Variants in NBAS observed in about 807,000 individuals in gnomAD.
NBAS encodes NAG/BC035112 fusion.
A neutral mutation model predicts 302.5 loss-of-function variants in NBAS; 219 were observed. That is an observed-to-expected ratio of 0.72 (90% confidence interval 0.65 to 0.81). The LOEUF is 0.81. Among genes scored for constraint, NBAS ranks in the 30% least tolerant of loss-of-function variants. The pLI is 0.00. For missense variants in NBAS, 2,932 were observed against 2,841.6 expected, an observed-to-expected ratio of 1.03 and a Z score of -0.72; for synonymous variants, 1,118 against 1,021.6, an observed-to-expected ratio of 1.09 and a Z score of -1.80.
chr2:14,908,431 G>A, the NBAS span, among the ~76,000 whole-genome samples: 2 of 152,168 alleles, frequency 1.3e-5, no homozygotes, highest in East Asian at 1.9e-4. Context: ...AAAAGCATCC[G>A]AGCTTCTGAG....
chr2:15,263,686 C>A (rs1269758267), intron 44 of NBAS, among the ~76,000 whole-genome samples: 1 of 95,814 alleles, frequency 1.0e-5, no homozygotes, highest in Non-Finnish European at 1.8e-5. Context: ...ATGACAAATA[C>A]CCTCATCAGT....
intron 47 of NBAS, among the ~76,000 whole-genome samples, chr2:15,223,468 T>C (rs546732370): frequency 6.6e-6 from 1 of 152,236 alleles, no homozygotes; most frequent in East Asian, 1.9e-4. Context: ...TCATCTTTTA[T>C]GAAAGCAAGG....
chr2:15,212,952 T>G (rs1014242255), intron 48 of NBAS, among the ~76,000 whole-genome samples: 4 of 152,198 alleles, frequency 2.6e-5, no homozygotes, highest in Non-Finnish European at 2.9e-5. Context: ...ATCTAAACCT[T>G]TAGGGTATCT....
At chr2:15,271,983 G>C (rs184152319) in intron 44 of NBAS, among the ~76,000 whole-genome samples, 3 of 152,228 alleles carry the variant, frequency 2.0e-5, no homozygotes, top group African/African-American at 7.2e-5. Flanking sequence ...TTTTCCTTCT[G>C]CATATTAATC....
At chr2:14,967,267 G>A in the NBAS span, among the ~76,000 whole-genome samples, 11 of 151,796 alleles carry the variant, frequency 7.2e-5, no homozygotes, top group Admixed American at 5.2e-4. Flanking sequence ...CAAACTACTA[G>A]CAGAATTTTT....
chr2:15,218,423 T>C (rs1572467819), intron 48 of NBAS, among the ~76,000 whole-genome samples: 2 of 152,324 alleles, frequency 1.3e-5, no homozygotes, highest in East Asian at 3.9e-4. Context: ...CTCCAACTAT[T>C]GTTTTTTTCT....
At chr2:14,899,950 T>G in the NBAS span, among the ~76,000 whole-genome samples, 832 of 152,268 alleles carry the variant, frequency 5.5e-3, 18 homozygotes, top group African/African-American at 0.02. Flanking sequence ...AGAGGGTTCA[T>G]AGAATCTTTA....
At chr2:14,977,852 C>T in the NBAS span, among the ~76,000 whole-genome samples, 1 of 152,084 alleles carries the variant, frequency 6.6e-6, no homozygotes, top group Non-Finnish European at 1.5e-5. Context: ...TACTCCAATT[C>T]TTCAATAGGG....
chr2:15,537,495 A>T (rs1261434032), intron 7 of NBAS, among the ~76,000 whole-genome samples: 1 of 152,194 alleles, frequency 6.6e-6, no homozygotes. Context: ...ATGGTATATA[A>T]GGCTGGATGG....
the NBAS span, among the ~76,000 whole-genome samples, chr2:14,893,925 T>A: frequency 6.6e-6 from 1 of 152,218 alleles, no homozygotes. Context: ...CCTTTGAAAA[T>A]AATCACTTTA....
At chr2:14,779,169 G>A in the NBAS span, among the ~76,000 whole-genome samples, 71 of 152,290 alleles carry the variant, frequency 4.7e-4, no homozygotes, top group African/African-American at 1.6e-3. Context: ...ACAGAAAAGA[G>A]TGGGTAGGCA....
At chr2:14,861,653 A>G in the NBAS span, among the ~76,000 whole-genome samples, 2 of 152,372 alleles carry the variant, frequency 1.3e-5, no homozygotes, top group South Asian at 2.1e-4. Context: ...TAAGTGTTCT[A>G]TTATGTGGCA....
At chr2:15,155,384 A>C in the NBAS span, among the ~76,000 whole-genome samples, 1 of 152,100 alleles carries the variant, frequency 6.6e-6, no homozygotes, top group South Asian at 2.1e-4. Context: ...TTATTGGAAG[A>C]CCCAACAGGC....
At chr2:15,188,033 C>A (rs1204692180) in intron 49 of NBAS, among the ~76,000 whole-genome samples, 1 of 152,234 alleles carries the variant, frequency 6.6e-6, no homozygotes, top group African/African-American at 2.4e-5. Context: ...ACTCAGCTCT[C>A]CTGGGTTTTT....
At chr2:14,855,929 C>T in the NBAS span, among the ~76,000 whole-genome samples, 1 of 152,198 alleles carries the variant, frequency 6.6e-6, no homozygotes, top group Non-Finnish European at 1.5e-5. Flanking sequence ...CACACATAGG[C>T]AGTAGCAGGG....
chr2:15,431,423 T>C (rs757556742), intron 21 of NBAS, among the ~76,000 whole-genome samples: 1 of 152,148 alleles, frequency 6.6e-6, no homozygotes, highest in South Asian at 2.1e-4. Flanking sequence ...AATGATAACA[T>C]TTGAGAAATA....
chr2:14,791,014 C>T, the NBAS span, among the ~76,000 whole-genome samples: 13 of 152,248 alleles, frequency 8.5e-5, no homozygotes, highest in African/African-American at 3.1e-4. Flanking sequence ...TGCCACTACG[C>T]CCAGCTGATT....
At chr2:15,154,314 A>G in the NBAS span, among the ~76,000 whole-genome samples, 1 of 152,328 alleles carries the variant, frequency 6.6e-6, no homozygotes, top group East Asian at 1.9e-4. Context: ...ACTTGGAGCA[A>G]GGTTGCTGAG....
At chr2:14,826,274 A>G in the NBAS span, among the ~76,000 whole-genome samples, 3 of 152,152 alleles carry the variant, frequency 2.0e-5, no homozygotes, top group Non-Finnish European at 4.4e-5. Flanking sequence ...GGATTTTGTG[A>G]TGTTTGAGGT....
Sources: gnomAD v4.1 joint callset for allele counts (sites outside exome capture counted in the v4.1 genomes callset) on GRCh38, gnomAD v4.1.1 for gene constraint, MANE v1.5 for transcripts, NCBI Gene and HGNC (gene_info 2026-07-23, HGNC 2026-07-21) for gene names.